The following PTCD2 variants were observed in gnomAD, a reference collection of about 807,000 sequenced individuals.
The protein encoded by PTCD2 is pentatricopeptide repeat-containing protein 2, mitochondrial.
A neutral mutation model predicts 42.6 loss-of-function variants in PTCD2; 31 were observed. The ratio of observed to expected loss-of-function variants is 0.73; its 90% CI spans 0.55 to 0.98. PTCD2 has a LOEUF of 0.98. PTCD2 is among the 50% of genes least tolerant of loss of function. The pLI is 0.00. For synonymous variants in PTCD2, 183 were observed against 170.9 expected (o/e 1.07, Z -0.55); for missense variants, 476 against 454.8 (o/e 1.05, Z -0.42).
intron 7 of PTCD2, among the ~76,000 whole-genome samples, chr5:72,341,572 A>AAAAT (rs1441097392): frequency 6.6e-6 from 1 of 151,970 alleles, no homozygotes; most frequent in Non-Finnish European, 1.5e-5. Flanking sequence ...GTCTCTACAA[A>AAAAT]AAATAAATAA....
At chr5:72,338,838 A>T (rs1484225560) in intron 7 of PTCD2, 103 bp downstream of exon 7, 3 of 632,288 alleles carry the variant, frequency 4.7e-6, no homozygotes, top group Non-Finnish European at 8.4e-6. Context: ...CATCGTAAAG[A>T]AGTAGTCACC....
At position 72,366,723 on chromosome 5, in the gene PTCD2, T is replaced by C. The variant is rs562603764; in HGVS notation, c.*8296T>C. 114 of 152,302 alleles carry C rather than the reference T, an allele frequency of 7.5e-4. No homozygotes were observed. The highest frequency in any genetic ancestry group is 2.6e-3 in the African/African-American group (109 of 41,558). The allele number at this position is 152,302 out of a possible 1,614,324, so 9.4% of individuals were successfully genotyped here. A position where few individuals can be genotyped will look rare whatever the true frequency, so the allele number is the denominator to read the frequency against. On this transcript the variant is annotated 3_prime_UTR_variant, in exon 10 of 10. Transcript: ENST00000380639. ...TGCCTTCACGCAGGTTAAGAAATAT[T>C]TAGTGTTGAAAGGATACTTTTAAAA...
chr5:72,363,110 A>T lies in PTCD2; in HGVS notation c.*4683A>T, dbSNP rs1561403691. 1 of 152,248 alleles carries T rather than the reference A, an allele frequency of 6.6e-6. No individual in the cohort carries two copies. The highest frequency in any genetic ancestry group is 6.5e-5 in the Admixed American group (1 of 15,280). The allele number at this position is 152,248 out of a possible 1,614,324, so 9.4% of individuals were successfully genotyped here. Reference sequence around the variant, plus strand: ...AAAACTTCTTATGAACTCTGGTTATACTGAAAACAGGAGTCATGGGAGACT... The same window carrying T: ...AAAACTTCTTATGAACTCTGGTTATTCTGAAAACAGGAGTCATGGGAGACT... On this transcript the variant is annotated 3_prime_UTR_variant, in exon 10 of 10. Transcript: ENST00000380639.
rs1228824636 is a variant in PTCD2, at chr5:72,366,295, A to G, written c.*7868A>G. 1 of 152,092 alleles carries G rather than the reference A, an allele frequency of 6.6e-6. No individual in the cohort carries two copies. The highest frequency in any genetic ancestry group is 1.9e-4 in the East Asian group (1 of 5,186). The allele number at this position is 152,092 out of a possible 1,614,324, so 9.4% of individuals were successfully genotyped here. A position where few individuals can be genotyped will look rare whatever the true frequency, so the allele number is the denominator to read the frequency against. ...CTTTATCTCATTTGATCCCTGGGAA[A>G]CCCCATAAAGTACTATTATGCCATT... On this transcript the variant is annotated 3_prime_UTR_variant, in exon 10 of 10. Transcript: ENST00000380639.
chr5:72,366,566 G>A lies in PTCD2; in HGVS notation c.*8139G>A, dbSNP rs1213294506. 6.6e-6 allele frequency: 1 copy of A among 152,314 alleles called. No individual in the cohort carries two copies. Among genetic ancestry groups the A allele is most frequent in the Admixed American group, 6.5e-5 (1 of 15,294 alleles). The allele number at this position is 152,314 out of a possible 1,614,324, so 9.4% of individuals were successfully genotyped here. On this transcript the variant is annotated 3_prime_UTR_variant, in exon 10 of 10. Transcript: ENST00000380639. ...GAACTTACAATAGACGGCAGAGGGCGTCCAGAGTCACTATTTTTAAAAGGT... is the reference window on the plus strand; with the variant it reads ...GAACTTACAATAGACGGCAGAGGGCATCCAGAGTCACTATTTTTAAAAGGT...
chr5:72,333,174 C>T (rs913049329), intron 4 of PTCD2, among the ~76,000 whole-genome samples: 3 of 152,142 alleles, frequency 2.0e-5, no homozygotes, highest in African/African-American at 7.2e-5. Context: ...CCCCTTTCTC[C>T]CTTGCTGACT....
At chr5:72,322,043 A>C (rs1399831235) in intron 1 of PTCD2, 129 bp from the exon 2 acceptor site, 1 of 578,148 alleles carries the variant, frequency 1.7e-6, no homozygotes, top group Non-Finnish European at 3.1e-6. Flanking sequence ...CAGTTTGTAC[A>C]GTTATATTTG....
rs145693795 is a variant in PTCD2 at position 72,349,816 on chromosome 5, C to G, written c.829-2825C>G. On this transcript the variant is annotated intron_variant, in intron 8 of 9. Transcript: ENST00000380639. ...ATAAGCCCCTAGCTTTAAACTTTCT[C>G]TTTGCCTTTTATCGGTGACTGCCTT... Among the ~76,000 whole-genome samples the G allele has an allele frequency of 5.0e-4, 76 of 152,304 alleles. No homozygotes were observed. In the South Asian group the frequency reaches 0.011, roughly 22 times the overall value.
Position 72,364,071 on chromosome 5 carries a change from G to A in PTCD2, c.*5644G>A, listed in dbSNP as rs925482364. 5 of 152,314 alleles carry A rather than the reference G, an allele frequency of 3.3e-5. No individual in the cohort carries two copies. The South Asian group carries it at 1.0e-3, about 32-fold the overall frequency. The allele number at this position is 152,314 out of a possible 1,614,324, so 9.4% of individuals were successfully genotyped here. A position where few individuals can be genotyped will look rare whatever the true frequency, so the allele number is the denominator to read the frequency against. Reference sequence around the variant, plus strand: ...GTTGCACAAAAATAAAAGTGAAATGGTATTTTTTAAAAGGAAGTGGTTCAA... The same window carrying A: ...GTTGCACAAAAATAAAAGTGAAATGATATTTTTTAAAAGGAAGTGGTTCAA... On this transcript the variant is annotated 3_prime_UTR_variant, in exon 10 of 10. Transcript: ENST00000380639.
intron 8 of PTCD2, among the ~76,000 whole-genome samples, chr5:72,349,839 C>G (rs926725832): frequency 9.2e-5 from 14 of 152,286 alleles, no homozygotes; most frequent in African/African-American, 3.4e-4. Context: ...CGGTGACTGC[C>G]TTATGTGCAT....
In PTCD2 at chr5:72,320,430, T is replaced by A; in HGVS notation, c.48T>A (p.Val16=). ...MAAAFRPSNR[V]LLQALQILVY... ...CTGCATTTCGGCCCTCGAATCGAGT[T>A]CTCCTGCAGGCGCTGCAGATTTTGG... The change falls in exon 1 of 10, where the codon GTT becomes GTA. Residue 16 remains valine, a synonymous_variant. Coordinates refer to ENST00000380639, the MANE Select transcript of PTCD2 (RefSeq NM_024754.5). 1 of 1,614,090 alleles carries A rather than the reference T, an allele frequency of 6.2e-7. No individual in the cohort carries two copies. Among genetic ancestry groups the A allele is most frequent in the African/African-American group, 1.3e-5 (1 of 75,012 alleles).
chr5:72,357,847 CT>C (rs67784172), intron 9 of PTCD2, among the ~76,000 whole-genome samples: 9,587 of 143,772 alleles, frequency 0.067, 516 homozygotes, highest in African/African-American at 0.16. Flanking sequence ...GTATACCATA[CT>C]TTTTTTTTTT....
intron 6 of PTCD2, among the ~76,000 whole-genome samples, chr5:72,336,268 T>C (rs937848041): frequency 5.3e-5 from 8 of 152,216 alleles, no homozygotes; most frequent in Non-Finnish European, 1.5e-5. Flanking sequence ...TGTCCTCATA[T>C]GTGAAGGCTT....
At chr5:72,343,656 C>G (rs145179821) in intron 8 of PTCD2, among the ~76,000 whole-genome samples, 111 of 152,294 alleles carry the variant, frequency 7.3e-4, no homozygotes, top group African/African-American at 2.6e-3. Context: ...ATCACCAAGA[C>G]ATGCAAAACC....
rs1208345562 is a variant in PTCD2, at chr5:72,360,790, T to G, written c.*2363T>G. The G allele has an allele frequency of 1.3e-5, 2 of 151,892 alleles. No individual in the cohort carries two copies. The highest frequency in any genetic ancestry group is 1.5e-5 in the Non-Finnish European group (1 of 68,020). The allele number at this position is 151,892 out of a possible 1,614,324, so 9.4% of individuals were successfully genotyped here. A position where few individuals can be genotyped will look rare whatever the true frequency, so the allele number is the denominator to read the frequency against. On this transcript the variant is annotated 3_prime_UTR_variant, in exon 10 of 10. Transcript: ENST00000380639. Reference sequence around the variant, plus strand: ...ACTTCTGCCTCCTGGGTTCAAGCAATTCTCATGCCCCAGCCTCCCAAGTAG... The same window carrying G: ...ACTTCTGCCTCCTGGGTTCAAGCAAGTCTCATGCCCCAGCCTCCCAAGTAG...
chr5:72,354,359 G>C (rs1408877833), intron 9 of PTCD2, among the ~76,000 whole-genome samples: 4 of 134,586 alleles, frequency 3.0e-5, no homozygotes, highest in Non-Finnish European at 6.1e-5. Context: ...GCTCCAGCCT[G>C]GCGACAGAAT....
rs1750898000 is a variant in PTCD2 at position 72,322,204 on chromosome 5, A to C, written c.160A>C (p.Lys54Gln). 6 of 1,600,360 alleles carry C rather than the reference A, an allele frequency of 3.7e-6. No individual in the cohort carries two copies. Among genetic ancestry groups the C allele is most frequent in the Non-Finnish European group, 5.1e-6 (6 of 1,168,044 alleles). ...KRYLLTDNVV[K>Q]LKEFQQKKVA... ...ATACCTACTTACAGATAATGTGGTGAAATTAAAAGAATTTCAACAAAAGAA... is the reference window on the plus strand; with the variant it reads ...ATACCTACTTACAGATAATGTGGTGCAATTAAAAGAATTTCAACAAAAGAA... The change falls in exon 2 of 10, where the codon AAA becomes CAA. Residue 54 changes from lysine to glutamine, a missense_variant. Lys to Gln is a moderately conservative substitution (Grantham distance 53). Coordinates refer to ENST00000380639, the MANE Select transcript of PTCD2 (RefSeq NM_024754.5).
At chr5:72,340,108 T>C (rs1236058868) in intron 7 of PTCD2, among the ~76,000 whole-genome samples, 2 of 152,218 alleles carry the variant, frequency 1.3e-5, no homozygotes, top group Non-Finnish European at 1.5e-5. Context: ...GCTTTCTGTT[T>C]CTATAACTTT....
At chr5:72,335,912 G>C (rs372107515) in intron 6 of PTCD2, 27 bp downstream of exon 6, 2 of 1,392,000 alleles carry the variant, frequency 1.4e-6, no homozygotes, top group Non-Finnish European at 2.0e-6. Flanking sequence ...TTAACTTTGA[G>C]AGCATTGTGT....
Sources: gnomAD v4.1 joint callset for allele counts (sites outside exome capture counted in the v4.1 genomes callset) on GRCh38, gnomAD v4.1.1 for gene constraint, MANE v1.5 for transcripts, NCBI Gene and HGNC (gene_info 2026-07-23, HGNC 2026-07-21) for gene names.